RBM46: variants seen among roughly 807,000 people sequenced by gnomAD.
RBM46 encodes RNA binding motif protein 46, also known as probable RNA-binding protein 46.
RBM46 carries 12 observed loss-of-function variants against 43.3 expected under a neutral mutation model. The observed-to-expected ratio is 0.28, with a 90% CI of 0.18 to 0.45. The LOEUF (loss-of-function observed/expected upper bound fraction) is 0.45. Among genes scored for constraint, RBM46 ranks in the 20% least tolerant of loss-of-function variants. The pLI is 1.00. For synonymous variants in RBM46, 205 were observed against 207.6 expected, an observed-to-expected ratio of 0.99 and a Z score of 0.11; for missense variants, 412 against 639.1, an observed-to-expected ratio of 0.64 and a Z score of 3.83.
intron 4 of RBM46, among the ~76,000 whole-genome samples, chr4:154,801,139 C>A (rs992749887): frequency 6.6e-6 from 1 of 151,870 alleles, no homozygotes; most frequent in Non-Finnish European, 1.5e-5. Context: ...CCACCGTGCC[C>A]GGCTAATTTT....
chr4:154,823,594 A>C (rs983664768), intron 4 of RBM46, among the ~76,000 whole-genome samples: 1 of 151,986 alleles, frequency 6.6e-6, no homozygotes, highest in African/African-American at 2.4e-5. Context: ...ACAGAAAAGC[A>C]GCTAAGAATT....
chr4:154,793,153 C>T lies in RBM46; in HGVS notation c.-11-3589C>T, dbSNP rs768712622. ...TATATTTTCTACTTGCTCTTTCTCACGTATTTCTTGAATATTTTTCCATAT... is the reference window on the plus strand; with the variant it reads ...TATATTTTCTACTTGCTCTTTCTCATGTATTTCTTGAATATTTTTCCATAT... On this transcript the variant is annotated intron_variant, in intron 1 of 4. Transcript: ENST00000281722. 1.5e-4 allele frequency among the ~76,000 whole-genome samples: 23 copies of T among 152,228 alleles called. 1 individual carries two copies. The highest frequency in any genetic ancestry group is 3.6e-4 in the African/African-American group (15 of 41,544).
At chr4:154,798,347 A>G (rs1734449003) in intron 3 of RBM46, 69 bp downstream of exon 3, 1 of 933,138 alleles carries the variant, frequency 1.1e-6, no homozygotes. Context: ...TACATCAGGG[A>G]TCAATATTAT....
chr4:154,782,714 C>T (rs1024292783), intron 1 of RBM46, among the ~76,000 whole-genome samples: 1 of 152,160 alleles, frequency 6.6e-6, no homozygotes, highest in Non-Finnish European at 1.5e-5. Flanking sequence ...ATCTCTGGAC[C>T]TCATGATCCA....
At chr4:154,805,115 G>A (rs1035780195) in intron 4 of RBM46, among the ~76,000 whole-genome samples, 2 of 152,032 alleles carry the variant, frequency 1.3e-5, no homozygotes, top group Non-Finnish European at 2.9e-5. Context: ...TTTAATGGCA[G>A]GTAGTTCTGT....
chr4:154,801,428 A>G, intron 4 of RBM46, among the ~76,000 whole-genome samples: 1 of 152,232 alleles, frequency 6.6e-6, no homozygotes. Context: ...GATGCACAAA[A>G]TAGAAGCCTT....
At position 154,828,357 on chromosome 4, in the gene RBM46, C is replaced by A; in HGVS notation, c.*290C>A. 2 of 299,772 alleles carry A rather than the reference C, an allele frequency of 6.7e-6. No individual in the cohort carries two copies. The highest frequency in any genetic ancestry group is 5.2e-5 in the Admixed American group (1 of 19,300). 18.6% of individuals were successfully genotyped at this position (299,772 alleles called of 1,614,324 possible). ...TCTACTTTCTGAGTGGGCAATAGAA[C>A]CTAGTCATTTATGTTTTTTTTTTTT... is the stretch of plus-strand genomic sequence containing the variant. On this transcript the variant is annotated 3_prime_UTR_variant, in exon 5 of 5. Coordinates refer to ENST00000281722, the MANE Select transcript of RBM46 (RefSeq NM_144979.5).
intron 4 of RBM46, among the ~76,000 whole-genome samples, chr4:154,804,836 T>TA (rs1270546800): frequency 1.5e-5 from 2 of 133,834 alleles, no homozygotes; most frequent in African/African-American, 6.4e-5. Flanking sequence ...TTTTTTTTTT[T>TA]AAACAGGTCT....
At chr4:154,806,877 G>A (rs1734932635) in intron 4 of RBM46, among the ~76,000 whole-genome samples, 1 of 151,818 alleles carries the variant, frequency 6.6e-6, no homozygotes, top group African/African-American at 2.4e-5. Flanking sequence ...AACATGCCAT[G>A]TGGGGAGTAT....
At chr4:154,798,698 T>C in intron 3 of RBM46, 84 bp from the exon 4 acceptor site, 1 of 1,099,560 alleles carries the variant, frequency 9.1e-7, no homozygotes, top group Non-Finnish European at 1.2e-6. Context: ...AGTTTCTGCT[T>C]CTCTGGGGAA....
intron 4 of RBM46, among the ~76,000 whole-genome samples, chr4:154,810,150 A>G (rs1183375535): frequency 2.6e-5 from 4 of 152,022 alleles, no homozygotes; most frequent in East Asian, 1.9e-4. Flanking sequence ...CTCTGTTTCT[A>G]TATTTCATTA....
At chr4:154,825,285 C>G (rs1203136216) in intron 4 of RBM46, among the ~76,000 whole-genome samples, 1 of 151,920 alleles carries the variant, frequency 6.6e-6, no homozygotes, top group East Asian at 1.9e-4. Context: ...TTTTTATTTC[C>G]TATGATACGA....
chr4:154,783,333 A>G (rs557568462), intron 1 of RBM46, among the ~76,000 whole-genome samples: 71 of 152,352 alleles, frequency 4.7e-4, no homozygotes, highest in African/African-American at 1.7e-3. Context: ...ATTAATAACG[A>G]GAACAAACCC....
In RBM46 at chr4:154,798,065, G is replaced by C; in HGVS notation, c.406G>C (p.Val136Leu). The C allele has an allele frequency of 1.2e-6, 2 of 1,613,906 alleles. No homozygotes were observed. Among genetic ancestry groups the C allele is most frequent in the South Asian group, 2.2e-5 (2 of 91,058 alleles). Residue 136 changes from valine (V) to leucine (L), a missense_variant, in exon 3 of 5, where the codon GTA (valine) becomes CTA (leucine). By Grantham distance (32) the Val-to-Leu change is conservative (BLOSUM62 1). This residue lies in a region of RBM46 where 48 missense variants were observed against 78.9 expected (regional missense o/e 0.61). Transcript: ENST00000281722. ...ACCAGGGAAGTTTATTGGTGTGTGT[G>C]TAAGCCTGGATAATTGTAGATTATT... ...IRPGKFIGVC[V>L]SLDNCRLFIG...
chr4:154,798,555 A>G (rs1391728281), intron 3 of RBM46, among the ~76,000 whole-genome samples: 1 of 152,196 alleles, frequency 6.6e-6, no homozygotes, highest in East Asian at 1.9e-4. Context: ...TTCTTCTGAT[A>G]AAGATCTATC....
chr4:154,810,045 G>T (rs1315437596), intron 4 of RBM46, among the ~76,000 whole-genome samples: 2 of 152,068 alleles, frequency 1.3e-5, no homozygotes, highest in African/African-American at 4.8e-5. Flanking sequence ...GACTTCTGAG[G>T]TACTGGTAAT....
intron 2 of RBM46, among the ~76,000 whole-genome samples, chr4:154,797,462 TA>T (rs928441649): frequency 3.9e-5 from 6 of 152,222 alleles, no homozygotes; most frequent in African/African-American, 1.4e-4. Flanking sequence ...TGCTCTGACA[TA>T]AAAGCGCTTG....
chr4:154,791,454 G>A (rs1042375441), intron 1 of RBM46, among the ~76,000 whole-genome samples: 2 of 152,104 alleles, frequency 1.3e-5, no homozygotes, highest in African/African-American at 2.4e-5. Context: ...CCAAGAGTTC[G>A]AGACCAGCCT....
At chr4:154,788,922 G>A (rs1199701528) in intron 1 of RBM46, among the ~76,000 whole-genome samples, 1 of 152,118 alleles carries the variant, frequency 6.6e-6, no homozygotes, top group Non-Finnish European at 1.5e-5. Context: ...TGGCTTCCTA[G>A]GTATTTTATT....
Sources: gnomAD v4.1 joint callset for allele counts (sites outside exome capture counted in the v4.1 genomes callset) on GRCh38, gnomAD v4.1.1 for gene constraint, gnomAD v4.1.1 regional missense constraint, MANE v1.5 for transcripts, NCBI Gene and HGNC (gene_info 2026-07-23, HGNC 2026-07-21) for gene names.